ZEB1: variants seen among roughly 807,000 people sequenced by gnomAD.
ZEB1 encodes zinc finger E-box binding homeobox 1.
In ZEB1, 21 loss-of-function variants were observed where a neutral mutation model predicts 84.9. That is an observed-to-expected ratio of 0.25 (90% confidence interval 0.18 to 0.36). The LOEUF (loss-of-function observed/expected upper bound fraction) is 0.36, where lower values mean the gene tolerates loss of function less well. ZEB1 is among the 10% of genes least tolerant of loss of function. ZEB1 has a pLI of 1.00. For missense variants in ZEB1, 1,104 were observed against 1,330.2 expected, an observed-to-expected ratio of 0.83 and a Z score of 2.65; for synonymous variants, 420 against 471.1, an observed-to-expected ratio of 0.89 and a Z score of 1.41.
At chr10:31,411,638 CAA>C (rs11440732) in intron 1 of ZEB1, among the ~76,000 whole-genome samples, 5 of 98,076 alleles carry the variant, frequency 5.1e-5, no homozygotes, top group South Asian at 4.0e-4. Context: ...GACTCCGTCT[CAA>C]AAAAAAAAAA....
intron 1 of ZEB1, among the ~76,000 whole-genome samples, chr10:31,398,868 G>A (rs1056813456): frequency 6.6e-5 from 10 of 151,822 alleles, no homozygotes; most frequent in African/African-American, 2.4e-4. Flanking sequence ...CTCCAAATTG[G>A]GAATGCTCCA....
At chr10:31,512,803 C>T (rs220062) in intron 5 of ZEB1, among the ~76,000 whole-genome samples, 140,287 of 152,150 alleles carry the variant, frequency 0.92, 64,866 homozygotes, top group East Asian at 1. Context: ...AGAAGGGAGA[C>T]TTCTCTGAGA....
chr10:31,340,962 C>G (rs1005168811), intron 1 of ZEB1, among the ~76,000 whole-genome samples: 2 of 152,060 alleles, frequency 1.3e-5, no homozygotes, highest in African/African-American at 4.8e-5. Context: ...ACAAGCAGAT[C>G]TCTGTTGGAA....
chr10:31,450,851 G>A (rs2060474317), intron 1 of ZEB1, among the ~76,000 whole-genome samples: 2 of 151,020 alleles, frequency 1.3e-5, no homozygotes, highest in Admixed American at 1.3e-4. Flanking sequence ...TAGGACCATT[G>A]CATATTTTAT....
intron 1 of ZEB1, among the ~76,000 whole-genome samples, chr10:31,439,014 C>G (rs1025542647): frequency 6.6e-6 from 1 of 152,080 alleles, no homozygotes; most frequent in Non-Finnish European, 1.5e-5. Context: ...TAAAATATAT[C>G]TTTAAAATTT....
At chr10:31,350,440 ACAT>A (rs1237754520) in intron 1 of ZEB1, among the ~76,000 whole-genome samples, 3 of 152,156 alleles carry the variant, frequency 2.0e-5, no homozygotes, top group African/African-American at 7.2e-5. Context: ...AGGCAACTAA[ACAT>A]CATTACTGAT....
intron 1 of ZEB1, among the ~76,000 whole-genome samples, chr10:31,392,799 A>G (rs1347524346): frequency 1.3e-5 from 2 of 151,250 alleles, no homozygotes; most frequent in African/African-American, 4.8e-5. Flanking sequence ...ATATATTAAT[A>G]TACTTTTATA....
At chr10:31,509,757 G>A (rs759088809) in intron 4 of ZEB1, among the ~76,000 whole-genome samples, 6 of 152,090 alleles carry the variant, frequency 3.9e-5, no homozygotes, top group Non-Finnish European at 7.4e-5. Flanking sequence ...AAATAGAGAT[G>A]ATGTTTACAA....
At chr10:31,396,545 A>G (rs1029691493) in intron 1 of ZEB1, among the ~76,000 whole-genome samples, 1 of 152,202 alleles carries the variant, frequency 6.6e-6, no homozygotes, top group African/African-American at 2.4e-5. Flanking sequence ...TGATGCAGAA[A>G]AAAATACAGC....
At chr10:31,408,499 A>G (rs1469897240) in intron 1 of ZEB1, among the ~76,000 whole-genome samples, 1 of 150,210 alleles carries the variant, frequency 6.7e-6, no homozygotes, top group East Asian at 1.9e-4. Context: ...AAACTATACT[A>G]CAAGGCTACA....
chr10:31,474,047 A>G (rs932481159), intron 2 of ZEB1, among the ~76,000 whole-genome samples: 64 of 152,234 alleles, frequency 4.2e-4, no homozygotes, highest in Admixed American at 1.6e-3. Flanking sequence ...TACACCTTAT[A>G]CAAAAATCAA....
chr10:31,461,574 A>T (rs1003644391), intron 2 of ZEB1, among the ~76,000 whole-genome samples: 2 of 152,184 alleles, frequency 1.3e-5, no homozygotes, highest in Admixed American at 6.5e-5. Context: ...AATATCATAT[A>T]GATATAGTGA....
At chr10:31,476,532 C>G (rs2064217821) in intron 2 of ZEB1, among the ~76,000 whole-genome samples, 1 of 151,914 alleles carries the variant, frequency 6.6e-6, no homozygotes, top group Non-Finnish European at 1.5e-5. Context: ...TTTGCCTTAT[C>G]TACAAAGGAG....
At chr10:31,363,451 G>A in intron 1 of ZEB1, 1 of 1,534,072 alleles carries the variant, frequency 6.5e-7, no homozygotes, top group Non-Finnish European at 8.7e-7. Flanking sequence ...ATTGTACCAG[G>A]AAGAAGTGAG....
At chr10:31,382,006 CA>C (rs535534850) in intron 1 of ZEB1, among the ~76,000 whole-genome samples, 242 of 40,776 alleles carry the variant, frequency 5.9e-3, no homozygotes, top group Non-Finnish European at 0.017. Context: ...GAGACTGTCT[CA>C]AAAAAAAAAA....
At chr10:31,324,636 C>T (rs2035047622) in intron 1 of ZEB1, among the ~76,000 whole-genome samples, 1 of 151,972 alleles carries the variant, frequency 6.6e-6, no homozygotes, top group South Asian at 2.1e-4. Context: ...GGTTTCTTTG[C>T]AGTACAGTCA....
intron 2 of ZEB1, among the ~76,000 whole-genome samples, chr10:31,475,347 G>A (rs1373732199): frequency 6.6e-6 from 1 of 152,042 alleles, no homozygotes; most frequent in Non-Finnish European, 1.5e-5. Context: ...TGGAGAAGAG[G>A]AAAAAGTAGA....
At chr10:31,435,390 A>C (rs939173611) in intron 1 of ZEB1, among the ~76,000 whole-genome samples, 2 of 152,266 alleles carry the variant, frequency 1.3e-5, no homozygotes, top group Non-Finnish European at 2.9e-5. Flanking sequence ...GGGATATGTC[A>C]GTTTGTTACA....
chr10:31,522,303 G>T (rs1464011973), intron 7 of ZEB1, among the ~76,000 whole-genome samples: 1 of 152,152 alleles, frequency 6.6e-6, no homozygotes, highest in African/African-American at 2.4e-5. Context: ...CTTGATTATG[G>T]TCATTAATTA....
Sources: allele counts gnomAD v4.1 joint callset (sites outside exome capture counted in the v4.1 genomes callset), GRCh38; gene constraint gnomAD v4.1.1; transcripts MANE v1.5; gene names NCBI Gene and HGNC (gene_info 2026-07-23, HGNC 2026-07-21).